The following LRRC71 variants were observed in gnomAD, a reference collection of about 807,000 sequenced individuals.
LRRC71 encodes the protein leucine-rich repeat-containing protein 71.
LRRC71 carries 54 observed loss-of-function variants against 66.6 expected under a neutral mutation model. That is an observed-to-expected ratio of 0.81 (90% CI 0.65 to 1.02). The LOEUF is 1.02. LRRC71 is among the 50% of genes least tolerant of loss of function. LRRC71 has a pLI of 0.00. For synonymous variants in LRRC71, 323 were observed against 303.9 expected (o/e 1.06, Z -0.65); for missense variants, 724 against 718.0 (o/e 1.01, Z -0.10).
chr1:156,928,423 C>T (rs1171758466), intron 9 of LRRC71, among the ~76,000 whole-genome samples: 675 of 41,894 alleles, frequency 0.016, 1 homozygote, highest in East Asian at 0.11. Flanking sequence ...ATTCCTCCTC[C>T]TCCTCTTCTT....
chr1:156,936,166 C>G (rs1571098110), downstream of LRRC71: 1 of 1,162,034 alleles, frequency 8.6e-7, no homozygotes, highest in East Asian at 2.3e-5. Flanking sequence ...CATCACCTTC[C>G]TTCTCCTCCA....
chr1:156,921,417 T>C (rs1306438759), intron 1 of LRRC71, among the ~76,000 whole-genome samples: 1 of 152,200 alleles, frequency 6.6e-6, no homozygotes, highest in African/African-American at 2.4e-5. Context: ...GCCCTTTTTG[T>C]TGCAAGTGAT....
In LRRC71 at chr1:156,927,300, C is replaced by G. The variant is rs753912981; in HGVS notation, c.662+30C>G. On this transcript the variant is annotated intron_variant, in intron 6 of 14. Transcript: ENST00000337428. ...GACTCCCTGCCCTCACCCCCTTTCTCTGGGCCTGTCTCGAAATTCCAAGCC... is the reference window on the plus strand; with the variant it reads ...GACTCCCTGCCCTCACCCCCTTTCTGTGGGCCTGTCTCGAAATTCCAAGCC... 19 of 1,605,252 alleles carry G rather than the reference C, an allele frequency of 1.2e-5. No individual in the cohort carries two copies. The Admixed American group carries it at 3.2e-4, about 27-fold the overall frequency.
Position 156,924,564 on chromosome 1 carries a change from T to TCC in LRRC71, c.439+17_439+18dup. The TCC allele has an allele frequency of 1.0e-5, 16 of 1,531,730 alleles. No individual in the cohort carries two copies. The highest frequency in any genetic ancestry group is 2.8e-5 in the African/African-American group (2 of 72,410). The allele number at this position is 1,531,730 out of a possible 1,614,324, so 94.9% of individuals were successfully genotyped here. On this transcript the variant is annotated intron_variant, in intron 3 of 14. Transcript: ENST00000337428. ...AATCTACATCCGCGGTGAGCCCCGC[T>TCC]CCCCCCACCCGCCCCAGCTCCCTCC... is the stretch of plus-strand genomic sequence containing the variant.
At chr1:156,924,809 C>G in intron 4 of LRRC71, 91 bp downstream of exon 4, 1 of 1,507,050 alleles carries the variant, frequency 6.6e-7, no homozygotes, top group South Asian at 1.2e-5. Flanking sequence ...CATGGGAGAC[C>G]CTGGCGACGG....
chr1:156,937,483 A>G (rs1361337351), downstream of LRRC71: 1 of 1,525,510 alleles, frequency 6.6e-7, no homozygotes, highest in Non-Finnish European at 8.8e-7. Context: ...GCATGCTGAC[A>G]TAAAAGCAGT....
downstream of LRRC71, chr1:156,937,421 G>A: frequency 6.3e-7 from 1 of 1,581,338 alleles, no homozygotes; most frequent in Non-Finnish European, 8.6e-7. Context: ...AGGCTGAGGG[G>A]GGCTCATGGG....
rs1344322330 is a variant in LRRC71, at chr1:156,920,757, C to T, written c.-47C>T. On this transcript the variant is annotated 5_prime_UTR_variant, in exon 1 of 15. Transcript: ENST00000337428. This position sits in a 1 kb window ranked among gnomAD's most constrained non-coding sequence, Gnocchi z 4.9. Reference sequence around the variant, plus strand: ...TGAGCCCCGTAGAGTGCGTTCTTACCTTCCTGCCCCGACGAAGGTCCCAGA... The same window carrying T: ...TGAGCCCCGTAGAGTGCGTTCTTACTTTCCTGCCCCGACGAAGGTCCCAGA... 2.8e-6 allele frequency: 4 copies of T among 1,452,926 alleles called. No homozygotes were observed. The highest frequency in any genetic ancestry group is 1.4e-5 in the African/African-American group (1 of 69,522). 90.0% of individuals were successfully genotyped at this position (1,452,926 alleles called of 1,614,324 possible).
chr1:156,925,939 T>C (rs997168624), intron 5 of LRRC71, among the ~76,000 whole-genome samples: 1 of 152,200 alleles, frequency 6.6e-6, no homozygotes, highest in Non-Finnish European at 1.5e-5. Flanking sequence ...CTGTAAATAA[T>C]GTGTAAAAGT....
downstream of LRRC71, among the ~76,000 whole-genome samples, chr1:156,936,499 T>TAAAAAA (rs1389872908): frequency 1.8e-3 from 138 of 74,892 alleles, 4 homozygotes; most frequent in African/African-American, 0.011. Context: ...AAAAAAAAAA[T>TAAAAAA]ATATATATAT....
intron 11 of LRRC71, among the ~76,000 whole-genome samples, chr1:156,930,038 T>TTCTCTC (rs796624266): frequency 2.8e-5 from 4 of 140,634 alleles, no homozygotes; most frequent in Admixed American, 2.8e-4. Context: ...TTCTTTTTCT[T>TTCTCTC]TCTTTCTCTT....
At chr1:156,923,369 C>T (rs866356712) in intron 1 of LRRC71, among the ~76,000 whole-genome samples, 58 of 152,234 alleles carry the variant, frequency 3.8e-4, no homozygotes, top group African/African-American at 1.3e-3. Context: ...ATGTGGTGGG[C>T]GCGTGTGAAT....
chr1:156,937,175 C>T (rs2101741157), downstream of LRRC71: 1 of 1,600,508 alleles, frequency 6.2e-7, no homozygotes, highest in Non-Finnish European at 8.5e-7. Context: ...CGAAGACACA[C>T]ATCTCACTCA....
chr1:156,931,864 C>A, intron 12 of LRRC71, 52 bp from the exon 13 acceptor site: 1 of 1,364,302 alleles, frequency 7.3e-7, no homozygotes, highest in Non-Finnish European at 1.0e-6. Flanking sequence ...AATGAATGGC[C>A]TGTTGACCAG....
chr1:156,933,783 T>C (rs1292340932), downstream of LRRC71, among the ~76,000 whole-genome samples: 4 of 152,194 alleles, frequency 2.6e-5, no homozygotes, highest in Admixed American at 6.5e-5. Context: ...TACAGCAGTG[T>C]CCAAGATGGC....
At chr1:156,924,884 C>G in intron 4 of LRRC71, 54 bp from the exon 5 acceptor site, 1 of 1,543,324 alleles carries the variant, frequency 6.5e-7, no homozygotes, top group East Asian at 2.4e-5. Flanking sequence ...GGAGGGTTTT[C>G]CAGTAGGAGG....
chr1:156,930,025 C>CTT (rs767983461), intron 11 of LRRC71, among the ~76,000 whole-genome samples: 22,257 of 112,420 alleles, frequency 0.2, 2,242 homozygotes, highest in East Asian at 0.48. Flanking sequence ...TTTTTCTTTT[C>CTT]TTTTCTTTTT....
At chr1:156,939,769 G>C in the LRRC71 span, 2 of 1,613,778 alleles carry the variant, frequency 1.2e-6, no homozygotes, top group East Asian at 2.2e-5. Flanking sequence ...TTGCCCTGGG[G>C]AGCCTGGGTC....
intron 9 of LRRC71, among the ~76,000 whole-genome samples, chr1:156,928,408 C>CTTCTTCTTAT: frequency 2.9e-5 from 1 of 34,514 alleles, no homozygotes; most frequent in African/African-American, 1.4e-4. Flanking sequence ...CTTCTTCTTC[C>CTTCTTCTTAT]TCTTATTCCT....
Sources: allele counts gnomAD v4.1 joint callset (sites outside exome capture counted in the v4.1 genomes callset), GRCh38; gene constraint gnomAD v4.1.1; non-coding constraint Gnocchi (gnomAD v3.1); transcripts MANE v1.5; gene names NCBI Gene and HGNC (gene_info 2026-07-23, HGNC 2026-07-21).